PIGN: variants seen among roughly 807,000 people sequenced by gnomAD.
The protein encoded by PIGN is GPI ethanolamine phosphate transferase 1.
A neutral mutation model predicts 125.4 loss-of-function variants in PIGN; 117 were observed. The ratio of observed to expected loss-of-function variants is 0.93; its 90% confidence interval spans 0.80 to 1.09. The LOEUF (loss-of-function observed/expected upper bound fraction) is 1.09, where lower values mean the gene tolerates loss of function less well. Among genes scored for constraint, PIGN ranks in the 50% least tolerant of loss-of-function variants. PIGN has a pLI of 0.00. For missense variants in PIGN, 1,075 were observed against 1,094.9 expected, an observed-to-expected ratio of 0.98 and a Z score of 0.26; for synonymous variants, 392 against 377.8, an observed-to-expected ratio of 1.04 and a Z score of -0.44.
At chr18:62,071,583 T>G (rs1418143909) in intron 30 of PIGN, among the ~76,000 whole-genome samples, 10 of 152,026 alleles carry the variant, frequency 6.6e-5, no homozygotes. Flanking sequence ...CACCACATAA[T>G]GATGTTTTAG....
chr18:62,185,939 G>C (rs181013532), intron 1 of PIGN, among the ~76,000 whole-genome samples: 1 of 151,998 alleles, frequency 6.6e-6, no homozygotes, highest in Non-Finnish European at 1.5e-5. Context: ...ATTCTAGCCT[G>C]CATGAACGAG....
At chr18:62,139,202 T>C (rs1698086919) in intron 12 of PIGN, 127 bp from the exon 13 acceptor site, 1 of 552,134 alleles carries the variant, frequency 1.8e-6, no homozygotes, top group Non-Finnish European at 3.3e-6. Flanking sequence ...AATAGTTAAA[T>C]GAAAAATCTT....
In PIGN at chr18:62,113,052, C is replaced by T; in HGVS notation, c.1434+82G>A. On this transcript the variant is annotated intron_variant, in intron 16 of 30. Coordinates refer to ENST00000640252, the MANE Select transcript of PIGN (RefSeq NM_176787.5). ...AGAGTTAGCTTAGAACAATGACTTG[C>T]ACATCCTATAAACTCATTACACTGG... is the stretch of plus-strand genomic sequence containing the variant. 3 of 1,006,108 alleles carry T rather than the reference C, an allele frequency of 3.0e-6. No individual in the cohort carries two copies. The South Asian group carries it at 5.2e-5, about 18-fold the overall frequency. The allele number at this position is 1,006,108 out of a possible 1,614,324, so 62.3% of individuals were successfully genotyped here.
At chr18:62,144,530 CTCTT>C (rs1300742507) in intron 10 of PIGN, among the ~76,000 whole-genome samples, 5 of 152,326 alleles carry the variant, frequency 3.3e-5, no homozygotes, top group Admixed American at 1.3e-4. Context: ...ACAAGCTACG[CTCTT>C]TCTATTTTTA....
At chr18:62,175,078 TTAATA>T (rs146004193) in intron 1 of PIGN, among the ~76,000 whole-genome samples, 1 of 143,924 alleles carries the variant, frequency 6.9e-6, no homozygotes, top group African/African-American at 2.5e-5. Context: ...ATATATATAT[TTAATA>T]TATCTAATAT....
intron 14 of PIGN, chr18:62,137,914 T>G: frequency 4.0e-6 from 1 of 247,030 alleles, no homozygotes; most frequent in East Asian, 1.1e-4. Context: ...AGCATCTTCC[T>G]AATCAACCAA....
chr18:62,111,039 G>C (rs1209021258), intron 16 of PIGN, among the ~76,000 whole-genome samples: 1 of 151,328 alleles, frequency 6.6e-6, no homozygotes, highest in Non-Finnish European at 1.5e-5. Context: ...TCAGTCCCTC[G>C]AACAAACCTC....
intron 25 of PIGN, among the ~76,000 whole-genome samples, chr18:62,086,628 T>G (rs930156457): frequency 4.6e-5 from 7 of 151,676 alleles, no homozygotes; most frequent in Non-Finnish European, 8.8e-5. Flanking sequence ...GTTTTTTTTT[T>G]TTTTTTAAAA....
rs543432175 is a variant in PIGN, at chr18:62,100,392, C to T, written c.2077+683G>A. Among the ~76,000 whole-genome samples, 3 of 152,176 alleles carry T rather than the reference C, an allele frequency of 2.0e-5. No homozygotes were observed. In the East Asian group the frequency reaches 5.8e-4, roughly 29 times the overall value. Reference sequence around the variant, plus strand: ...GGGAATGTAAGTTAGTACAGCCATTCATGAGGGGTGGGCCCCCATGACCCA... The same window carrying T: ...GGGAATGTAAGTTAGTACAGCCATTTATGAGGGGTGGGCCCCCATGACCCA... On this transcript the variant is annotated intron_variant, in intron 22 of 30. Coordinates refer to ENST00000640252, the MANE Select transcript of PIGN (RefSeq NM_176787.5).
chr18:62,157,105 G>A, intron 6 of PIGN, 24 bp downstream of exon 6: 1 of 1,252,192 alleles, frequency 8.0e-7, no homozygotes, highest in Non-Finnish European at 1.1e-6. Context: ...TACTATCTGA[G>A]GAAACATAAT....
At chr18:62,046,462 G>A (rs1284420429) in intron 30 of PIGN, among the ~76,000 whole-genome samples, 1 of 88,994 alleles carries the variant, frequency 1.1e-5, no homozygotes, top group Non-Finnish European at 2.5e-5. Context: ...GAACCCTGTC[G>A]TGAACTGTGC....
intron 24 of PIGN, 86 bp downstream of exon 24, chr18:62,090,390 A>G: frequency 1.4e-6 from 1 of 722,046 alleles, no homozygotes; most frequent in Non-Finnish European, 2.2e-6. Flanking sequence ...TTAAGTAGAA[A>G]GAATTTTTGA....
rs188643142 is a variant in PIGN, at chr18:62,074,693, G to A, written c.2619+86C>T. The A allele has an allele frequency of 1.4e-3, 1,108 of 787,234 alleles. 17 individuals carry two copies. Among genetic ancestry groups the A allele is most frequent in the South Asian group, 0.014 (755 of 55,074 alleles). The allele number at this position is 787,234 out of a possible 1,614,324, so 48.8% of individuals were successfully genotyped here. A position where few individuals can be genotyped will look rare whatever the true frequency, so the allele number is the denominator to read the frequency against. Reference sequence around the variant, plus strand: ...ACAACTCAACATCTAAAGATTTCACGTACCAAAATGCATTCATATTTCTCT... The same window carrying A: ...ACAACTCAACATCTAAAGATTTCACATACCAAAATGCATTCATATTTCTCT... On this transcript the variant is annotated intron_variant, in intron 29 of 30. Transcript: ENST00000640252.
At chr18:62,070,237 G>GT in intron 30 of PIGN, 1 of 394,768 alleles carries the variant, frequency 2.5e-6, no homozygotes, top group Non-Finnish European at 4.5e-6. Flanking sequence ...AGGCGCTCTG[G>GT]TTTAAAGCCC....
chr18:62,165,563 T>C (rs2037104002), intron 1 of PIGN, among the ~76,000 whole-genome samples: 1 of 152,196 alleles, frequency 6.6e-6, no homozygotes, highest in African/African-American at 2.4e-5. Flanking sequence ...ATTTTCTTTT[T>C]GATACATTAA....
At position 62,150,595 on chromosome 18, in the gene PIGN, C is replaced by T. The variant is rs546739493; in HGVS notation, c.550-2257G>A. Among the ~76,000 whole-genome samples, 5 of 152,140 alleles carry T rather than the reference C, an allele frequency of 3.3e-5. No individual in the cohort carries two copies. The South Asian group carries it at 8.3e-4, about 25-fold the overall frequency. ...ACAAAAAGACATAGACTGTATGATTCCAGTTATGATATAAGGTGCCTAGAG... is the reference window on the plus strand; with the variant it reads ...ACAAAAAGACATAGACTGTATGATTTCAGTTATGATATAAGGTGCCTAGAG... On this transcript the variant is annotated intron_variant, in intron 7 of 30. Transcript: ENST00000640252.
At chr18:62,039,121 T>C (rs919634639), downstream of PIGN, among the ~76,000 whole-genome samples, 1 of 152,018 alleles carries the variant, frequency 6.6e-6, no homozygotes, top group Non-Finnish European at 1.5e-5. Context: ...CCTTCAATCC[T>C]CTGCTTCTCT....
At chr18:62,169,658 T>C (rs1462620329) in intron 1 of PIGN, among the ~76,000 whole-genome samples, 2 of 152,140 alleles carry the variant, frequency 1.3e-5, no homozygotes, top group Non-Finnish European at 2.9e-5. Context: ...TCTTGCTCTG[T>C]TGCCCAGGCT....
chr18:62,156,162 T>A (rs1490542365), intron 6 of PIGN, among the ~76,000 whole-genome samples: 1 of 152,134 alleles, frequency 6.6e-6, no homozygotes, highest in Non-Finnish European at 1.5e-5. Flanking sequence ...TTAAGAGATG[T>A]CCCAATATTT....
Sources: gnomAD v4.1 joint callset for allele counts (sites outside exome capture counted in the v4.1 genomes callset) on GRCh38, gnomAD v4.1.1 for gene constraint, MANE v1.5 for transcripts, NCBI Gene and HGNC (gene_info 2026-07-23, HGNC 2026-07-21) for gene names.